The following KHDRBS1 variants were observed in gnomAD, a reference collection of about 807,000 sequenced individuals.
KHDRBS1 encodes KH RNA binding domain containing, signal transduction associated 1.
A neutral mutation model predicts 48.4 loss-of-function variants in KHDRBS1; 7 were observed. The ratio of observed to expected loss-of-function variants is 0.14; its 90% CI spans 0.08 to 0.27. The LOEUF is 0.27. KHDRBS1 is among the 10% of genes least tolerant of loss of function. The pLI is 1.00. For synonymous variants in KHDRBS1, 241 were observed against 235.8 expected (o/e 1.02, Z -0.20); for missense variants, 458 against 601.2 (o/e 0.76, Z 2.49).
chr1:32,022,586 C>G (rs1192948489), intron 1 of KHDRBS1, among the ~76,000 whole-genome samples: 1 of 152,022 alleles, frequency 6.6e-6, no homozygotes, highest in Non-Finnish European at 1.5e-5. Flanking sequence ...GTTCCTTATG[C>G]AGGCCATATC....
chr1:32,013,956 CG>C lies in KHDRBS1; in HGVS notation c.-39del. The C allele has an allele frequency of 7.1e-7, 1 of 1,414,598 alleles. No individual in the cohort carries two copies. Among genetic ancestry groups the C allele is most frequent in the South Asian group, 1.5e-5 (1 of 68,040 alleles). The allele number at this position is 1,414,598 out of a possible 1,614,324, so 87.6% of individuals were successfully genotyped here. A position where few individuals can be genotyped will look rare whatever the true frequency, so the allele number is the denominator to read the frequency against. On this transcript the variant is annotated 5_prime_UTR_variant, in exon 1 of 9. Coordinates refer to ENST00000327300, the MANE Select transcript of KHDRBS1 (RefSeq NM_006559.3). Reference sequence around the variant, plus strand: ...CCGCCGCTCGGGCCTCCGTCGCTGCCGCGTCGCTTTCTCGCTCCTTGGATCG... The same window carrying C: ...CCGCCGCTCGGGCCTCCGTCGCTGCCCGTCGCTTTCTCGCTCCTTGGATCG...
At chr1:32,049,953 G>C (rs10914525) in intron 10 of KHDRBS1, among the ~76,000 whole-genome samples, 1 of 152,030 alleles carries the variant, frequency 6.6e-6, no homozygotes, top group African/African-American at 2.4e-5. Context: ...GAGCCACCAC[G>C]CCCGGCCTGT....
intron 1 of KHDRBS1, among the ~76,000 whole-genome samples, chr1:32,021,630 T>A (rs1638860320): frequency 6.6e-6 from 1 of 152,154 alleles, no homozygotes; most frequent in South Asian, 2.1e-4. Flanking sequence ...TATTTGTTTT[T>A]TTTTGAAACA....
In KHDRBS1 at chr1:32,042,768, T is replaced by G. The variant is rs1234791581; in HGVS notation, c.*144T>G. The G allele has an allele frequency of 1.7e-6, 1 of 595,682 alleles. No homozygotes were observed. Among genetic ancestry groups the G allele is most frequent in the Non-Finnish European group, 3.0e-6 (1 of 328,696 alleles). The allele number at this position is 595,682 out of a possible 1,614,324, so 36.9% of individuals were successfully genotyped here. A position where few individuals can be genotyped will look rare whatever the true frequency, so the allele number is the denominator to read the frequency against. On this transcript the variant is annotated 3_prime_UTR_variant, in exon 9 of 9. Transcript: ENST00000327300. The stretch of plus-strand genomic sequence containing the variant: ...CGTGGTCCCCTTCTTCTCCCCACCT[T>G]ATTCCATTCTTAACTCTGCATTCTG...
At chr1:32,023,997 A>G (rs1638912324) in intron 1 of KHDRBS1, among the ~76,000 whole-genome samples, 1 of 152,252 alleles carries the variant, frequency 6.6e-6, no homozygotes, top group East Asian at 1.9e-4. Context: ...CACGCCTGTA[A>G]TTCCAGCACT....
chr1:32,036,214 C>T (rs1181088137), intron 4 of KHDRBS1, among the ~76,000 whole-genome samples: 1 of 135,980 alleles, frequency 7.4e-6, no homozygotes, highest in Non-Finnish European at 1.5e-5. Context: ...CTCTTTCGCC[C>T]AGGCCGGACT....
Position 32,014,328 on chromosome 1 carries a change from G to A in KHDRBS1, c.333G>A (p.Lys111=). 1.9e-6 allele frequency: 3 copies of A among 1,548,780 alleles called. No homozygotes were observed. Among genetic ancestry groups the A allele is most frequent in the Non-Finnish European group, 2.6e-6 (3 of 1,145,252 alleles). Residue 111 remains lysine, a synonymous_variant, in exon 1 of 9, where the codon AAG becomes AAA. Coordinates refer to ENST00000327300, the MANE Select transcript of KHDRBS1 (RefSeq NM_006559.3). Reference sequence around the variant, plus strand: ...ACCTGCCCGAACTCATGGCCGAGAAGGACTCGCTCGACCCGTCCTTCACTC... The same window carrying A: ...ACCTGCCCGAACTCATGGCCGAGAAAGACTCGCTCGACCCGTCCTTCACTC... The part of the protein sequence containing the change: ...NKYLPELMAE[K]DSLDPSFTHA...
chr1:32,056,210 T>C (rs1045785932), intron 10 of KHDRBS1, among the ~76,000 whole-genome samples: 3 of 151,210 alleles, frequency 2.0e-5, no homozygotes, highest in African/African-American at 7.3e-5. Context: ...GGAGTTCTCA[T>C]GTACACAAGC....
chr1:32,034,436 T>C (rs1343342940), intron 4 of KHDRBS1, among the ~76,000 whole-genome samples: 1 of 152,134 alleles, frequency 6.6e-6, no homozygotes, highest in Non-Finnish European at 1.5e-5. Flanking sequence ...GGCACATGCC[T>C]GTAATCCCAG....
At chr1:32,034,692 A>G (rs952882011) in intron 4 of KHDRBS1, among the ~76,000 whole-genome samples, 6 of 151,038 alleles carry the variant, frequency 4.0e-5, no homozygotes, top group African/African-American at 2.4e-5. Flanking sequence ...AATGTTCAAC[A>G]TGAGGCAGGG....
chr1:32,018,921 GAT>G lies in KHDRBS1; in HGVS notation c.382+4546_382+4547del, dbSNP rs1569763482. On this transcript the variant is annotated intron_variant, in intron 1 of 8. Coordinates refer to ENST00000327300, the MANE Select transcript of KHDRBS1 (RefSeq NM_006559.3). Reference sequence around the variant, plus strand: ...CCCTGTCTCTACTAAAAATACAAAAGATAGCTGGGTGTGGTGGCACGTGCCTG... The same window carrying G: ...CCCTGTCTCTACTAAAAATACAAAAGAGCTGGGTGTGGTGGCACGTGCCTG... Among the ~76,000 whole-genome samples, 3 of 151,286 alleles carry G rather than the reference GAT, an allele frequency of 2.0e-5. No homozygotes were observed. In the East Asian group the frequency reaches 5.9e-4, roughly 30 times the overall value.
intron 10 of KHDRBS1, among the ~76,000 whole-genome samples, chr1:32,050,494 G>C (rs910939827): frequency 6.6e-6 from 1 of 151,732 alleles, no homozygotes; most frequent in African/African-American, 2.4e-5. Flanking sequence ...TTTAGTTTTA[G>C]TTCTTTTTGT....
At chr1:32,039,356 T>C (rs1465636088) in intron 7 of KHDRBS1, among the ~76,000 whole-genome samples, 159 bp from the exon 8 acceptor site, 1 of 152,248 alleles carries the variant, frequency 6.6e-6, no homozygotes, top group Non-Finnish European at 1.5e-5. Context: ...ACATAGTCTA[T>C]ACATATTTTG....
intron 3 of KHDRBS1, 73 bp from the exon 4 acceptor site, chr1:32,033,114 TC>T (rs111445021): frequency 1.0e-5 from 12 of 1,172,356 alleles, no homozygotes; most frequent in African/African-American, 7.5e-5. Context: ...TTCTTGCTGT[TC>T]CTTTGGCTTA....
At chr1:32,023,729 G>GACAAGGAGAGACAT (rs1402153468) in intron 1 of KHDRBS1, among the ~76,000 whole-genome samples, 33 of 152,060 alleles carry the variant, frequency 2.2e-4, no homozygotes, top group African/African-American at 7.5e-4. Flanking sequence ...GGAAAGCAAG[G>GACAAGGAGAGACAT]ACAAGGAGAG....
chr1:32,028,922 G>A (rs16834811), intron 1 of KHDRBS1, among the ~76,000 whole-genome samples: 5,696 of 151,420 alleles, frequency 0.038, 348 homozygotes, highest in African/African-American at 0.13. Flanking sequence ...TTACTTCATT[G>A]CCACCTCTAT....
rs772415652 is a variant in KHDRBS1, at chr1:32,042,633, A to G, written c.*9A>G. On this transcript the variant is annotated 3_prime_UTR_variant, in exon 9 of 9. Coordinates refer to ENST00000327300, the MANE Select transcript of KHDRBS1 (RefSeq NM_006559.3). ...CATATGGACGTTATTAAAAACAAAC[A>G]TGAGGGGAAAATATCAGTTATGAGC... 1.6e-5 allele frequency: 24 copies of G among 1,534,114 alleles called. No homozygotes were observed. The highest frequency in any genetic ancestry group is 2.1e-5 in the Non-Finnish European group (23 of 1,107,752).
rs1295336277 is a variant in KHDRBS1, at chr1:32,037,992, A to G, written c.1063A>G (p.Ile355Val). The change falls in exon 6 of 9, where the codon ATA (isoleucine) becomes GTA (valine). Residue 355 changes from isoleucine (I) to valine (V), a missense_variant. This residue lies in a region of KHDRBS1 where 171 missense variants were observed against 228.7 expected (regional missense o/e 0.75). Transcript: ENST00000327300. The part of the protein sequence containing the change: ...PRARTAGIQR[I>V]PLPPPPAPET... ...AGCACGGACAGCGGGCATCCAGAGG[A>G]TACCTTTGCCTCCACCTCCTGCACC... 6.2e-7 allele frequency: 1 copy of G among 1,614,214 alleles called. No individual in the cohort carries two copies. The highest frequency in any genetic ancestry group is 8.5e-7 in the Non-Finnish European group (1 of 1,180,034).
At chr1:32,028,500 C>CT (rs1235962364) in intron 1 of KHDRBS1, among the ~76,000 whole-genome samples, 4,047 of 123,342 alleles carry the variant, frequency 0.033, 400 homozygotes, top group African/African-American at 0.11. Context: ...ACTATATATA[C>CT]TTTTTTTTTT....
Sources: gnomAD v4.1 joint callset for allele counts (sites outside exome capture counted in the v4.1 genomes callset) on GRCh38, gnomAD v4.1.1 for gene constraint, gnomAD v4.1.1 regional missense constraint, MANE v1.5 for transcripts, NCBI Gene and HGNC (gene_info 2026-07-23, HGNC 2026-07-21) for gene names.